Variants in FOXN2 observed in about 807,000 individuals in gnomAD.
FOXN2 encodes the protein forkhead box protein N2.
In FOXN2, 19 loss-of-function variants were observed where a neutral mutation model predicts 41.2. That is an observed-to-expected ratio of 0.46 (90% CI 0.32 to 0.68). FOXN2 has a LOEUF of 0.68. Ranked by LOEUF, FOXN2 falls within the 30% of genes least tolerant of loss-of-function variation. The pLI, the probability that FOXN2 is intolerant of heterozygous loss-of-function variation, is 0.03. For synonymous variants in FOXN2, 195 were observed against 176.8 expected, an observed-to-expected ratio of 1.10 and a Z score of -0.82; for missense variants, 587 against 509.4, an observed-to-expected ratio of 1.15 and a Z score of -1.47.
chr2:48,367,790 G>A (rs972648413), intron 5 of FOXN2, among the ~76,000 whole-genome samples: 2 of 152,114 alleles, frequency 1.3e-5, no homozygotes, highest in South Asian at 4.1e-4. Context: ...CAACATCAAG[G>A]TTAAGGAAAT....
chr2:48,321,378 C>G (rs1254372550), intron 1 of FOXN2, among the ~76,000 whole-genome samples: 1 of 151,706 alleles, frequency 6.6e-6, no homozygotes, highest in Non-Finnish European at 1.5e-5. Context: ...ACTAAAAATA[C>G]AAAAAAAATT....
chr2:48,319,030 C>G (rs1381540637), intron 1 of FOXN2, among the ~76,000 whole-genome samples: 9 of 152,156 alleles, frequency 5.9e-5, no homozygotes, highest in Non-Finnish European at 1.0e-4. Context: ...TGTTAAATCC[C>G]TGGGATAGTT....
At chr2:48,372,753 CA>C (rs1350777450) in intron 5 of FOXN2, among the ~76,000 whole-genome samples, 3 of 151,934 alleles carry the variant, frequency 2.0e-5, no homozygotes, top group Non-Finnish European at 4.4e-5. Context: ...TGACTAAAAA[CA>C]ATAATAATTA....
Position 48,346,346 on chromosome 2 carries a change from C to T in FOXN2, c.132C>T (p.Ala44=), listed in dbSNP as rs1671099680. Residue 44 remains alanine (A), a synonymous_variant, in exon 3 of 7, where the codon GCC becomes GCT. Transcript: ENST00000340553. The part of the protein sequence containing the change: ...PEAVDAARPK[A]TLVDSESADD... ...CTGTTGATGCTGCCAGGCCGAAGGCCACTCTAGTGGACAGTGAGTCAGCAG... is the reference window on the plus strand; with the variant it reads ...CTGTTGATGCTGCCAGGCCGAAGGCTACTCTAGTGGACAGTGAGTCAGCAG... The T allele has an allele frequency of 1.9e-6, 3 of 1,614,068 alleles. No individual in the cohort carries two copies. Among genetic ancestry groups the T allele is most frequent in the South Asian group, 2.2e-5 (2 of 91,088 alleles).
chr2:48,343,721 T>C (rs1670914640), intron 2 of FOXN2, among the ~76,000 whole-genome samples: 1 of 151,694 alleles, frequency 6.6e-6, no homozygotes, highest in Non-Finnish European at 1.5e-5. Flanking sequence ...ATATCGCCAC[T>C]GTACTACAGC....
rs1481982237 is a variant in FOXN2, at chr2:48,378,006, C to T, written c.*2563C>T. 6.6e-6 allele frequency: 1 copy of T among 152,028 alleles called. No homozygotes were observed. Among genetic ancestry groups the T allele is most frequent in the Non-Finnish European group, 1.5e-5 (1 of 67,878 alleles). The allele number at this position is 152,028 out of a possible 1,614,324, so 9.4% of individuals were successfully genotyped here. A position where few individuals can be genotyped will look rare whatever the true frequency, so the allele number is the denominator to read the frequency against. On this transcript the variant is annotated 3_prime_UTR_variant, in exon 7 of 7. Coordinates refer to ENST00000340553, the MANE Select transcript of FOXN2 (RefSeq NM_002158.4). Reference sequence around the variant, plus strand: ...AAACTCCAAGGAGGTTACATGTTTTCCAACATATCCTAAAAACTGTGATAT... The same window carrying T: ...AAACTCCAAGGAGGTTACATGTTTTTCAACATATCCTAAAAACTGTGATAT...
At chr2:48,322,175 T>G (rs1249530539) in intron 1 of FOXN2, among the ~76,000 whole-genome samples, 1 of 152,210 alleles carries the variant, frequency 6.6e-6, no homozygotes, top group Non-Finnish European at 1.5e-5. Context: ...CTCGAACTCC[T>G]GACCTCAGGT....
chr2:48,339,855 A>G (rs139589949), intron 2 of FOXN2, among the ~76,000 whole-genome samples: 69 of 152,366 alleles, frequency 4.5e-4, no homozygotes, highest in African/African-American at 1.6e-3. Flanking sequence ...TACTTGTAAT[A>G]GCCCCAAACA....
intron 1 of FOXN2, among the ~76,000 whole-genome samples, chr2:48,324,001 C>G (rs1669504298): frequency 6.6e-6 from 1 of 152,010 alleles, no homozygotes; most frequent in Non-Finnish European, 1.5e-5. Flanking sequence ...CCTTCAATTA[C>G]TACTTTGAAA....
rs1414483508 is a variant in FOXN2, at chr2:48,346,201, A to G, written c.-14A>G. The G allele has an allele frequency of 1.9e-6, 3 of 1,572,432 alleles. No individual in the cohort carries two copies. The highest frequency in any genetic ancestry group is 2.6e-6 in the Non-Finnish European group (3 of 1,162,162). ...TTGATAATTGTTTCCTTTGTTGCAG[A>G]ACTGTAAGAGTAAATGGGTCCAGTA... On this transcript the variant is annotated splice_region_variant and 5_prime_UTR_variant, in exon 3 of 7. An upstream open reading frame in the 5' UTR loses its in-frame stop. Coordinates refer to ENST00000340553, the MANE Select transcript of FOXN2 (RefSeq NM_002158.4).
At chr2:48,318,868 A>G (rs1253287771) in intron 1 of FOXN2, among the ~76,000 whole-genome samples, 1 of 152,230 alleles carries the variant, frequency 6.6e-6, no homozygotes, top group Middle Eastern at 3.2e-3. Context: ...AAGCCCTGAA[A>G]GGCTAAATAA....
chr2:48,321,586 C>A (rs1669323334), intron 1 of FOXN2, among the ~76,000 whole-genome samples: 2 of 151,098 alleles, frequency 1.3e-5, no homozygotes, highest in Admixed American at 1.3e-4. Flanking sequence ...AGTATTATTT[C>A]ATGAAAATTT....
chr2:48,367,649 A>G (rs183481671), intron 5 of FOXN2, among the ~76,000 whole-genome samples: 20 of 152,348 alleles, frequency 1.3e-4, no homozygotes, highest in Admixed American at 9.8e-4. Flanking sequence ...AATTATTTCT[A>G]TAGTTCTCAT....
intron 3 of FOXN2, among the ~76,000 whole-genome samples, chr2:48,350,762 C>T (rs1335439532): frequency 1.3e-5 from 2 of 152,156 alleles, no homozygotes; most frequent in Admixed American, 6.5e-5. Flanking sequence ...AAAGACCTAG[C>T]CTAGTGGAGG....
rs375827864 is a variant in FOXN2 at position 48,346,468 on chromosome 2, T to G, written c.254T>G (p.Leu85Trp). The change falls in exon 3 of 7, where the codon TTG becomes TGG. Residue 85 changes from leucine to tryptophan, a missense_variant. Leu to Trp is a moderately conservative substitution (Grantham distance 61, BLOSUM62 -2). Coordinates refer to ENST00000340553, the MANE Select transcript of FOXN2 (RefSeq NM_002158.4). Reference protein sequence around the residue: ...GSEGLPIVSPLYDIEGDDVPS... With the variant: ...GSEGLPIVSPWYDIEGDDVPS... ...GAGGGTCTTCCAATTGTTAGTCCATTGTATGACATAGAGGGAGATGATGTG... is the reference window on the plus strand; with the variant it reads ...GAGGGTCTTCCAATTGTTAGTCCATGGTATGACATAGAGGGAGATGATGTG... 24 of 1,614,146 alleles carry G rather than the reference T, an allele frequency of 1.5e-5. No individual in the cohort carries two copies. Among genetic ancestry groups the G allele is most frequent in the Non-Finnish European group, 1.9e-5 (22 of 1,180,022 alleles).
intron 2 of FOXN2, among the ~76,000 whole-genome samples, chr2:48,339,653 A>G (rs1418997197): frequency 6.6e-6 from 1 of 152,192 alleles, no homozygotes; most frequent in Non-Finnish European, 1.5e-5. Context: ...CATTTGGTAT[A>G]TACACTCCTG....
intron 5 of FOXN2, among the ~76,000 whole-genome samples, chr2:48,369,877 G>A (rs1672774990): frequency 6.6e-6 from 1 of 152,064 alleles, no homozygotes; most frequent in South Asian, 2.1e-4. Context: ...GTACATGCCT[G>A]TGGTCCCAGC....
At chr2:48,336,292 C>T (rs981414669) in intron 2 of FOXN2, among the ~76,000 whole-genome samples, 27 of 151,280 alleles carry the variant, frequency 1.8e-4, no homozygotes, top group Non-Finnish European at 4.4e-5. Context: ...CCTGTAGTCT[C>T]AGCTACTCAG....
chr2:48,362,543 T>C (rs1672257070), intron 4 of FOXN2, 100 bp from the exon 5 acceptor site: 2 of 974,902 alleles, frequency 2.1e-6, no homozygotes, highest in African/African-American at 3.2e-5. Context: ...CACTCCAGCC[T>C]GGGCGGCCAG....
Sources: gnomAD v4.1 joint callset for allele counts (sites outside exome capture counted in the v4.1 genomes callset) on GRCh38, gnomAD v4.1.1 for gene constraint, MANE v1.5 for transcripts, NCBI Gene and HGNC (gene_info 2026-07-23, HGNC 2026-07-21) for gene names.